Variants in ALDH5A1 observed in about 807,000 individuals in gnomAD.
ALDH5A1 encodes aldehyde dehydrogenase 5 family member A1.
A neutral mutation model predicts 54.7 loss-of-function variants in ALDH5A1; 33 were observed. The observed-to-expected ratio is 0.60, with a 90% CI of 0.46 to 0.81. ALDH5A1 has a LOEUF of 0.81. Among genes scored for constraint, ALDH5A1 ranks in the 30% least tolerant of loss-of-function variants. The pLI is 0.00. For missense variants in ALDH5A1, 657 were observed against 711.0 expected (o/e 0.92, Z 0.86); for synonymous variants, 294 against 292.7 (o/e 1.00, Z -0.05).
chr6:24,514,545 C>T (rs2127385554), intron 4 of ALDH5A1, among the ~76,000 whole-genome samples: 1 of 152,182 alleles, frequency 6.6e-6, no homozygotes, highest in South Asian at 2.1e-4. Context: ...TCGAGACCAG[C>T]CTGGCTAACA....
Position 24,520,388 on chromosome 6 carries a change from C to T in ALDH5A1, c.871-13C>T, listed in dbSNP as rs778951931. On this transcript the variant is annotated splice_polypyrimidine_tract_variant and intron_variant, in intron 5 of 9. Transcript: ENST00000357578. ...GATTTCTGTGCTCACAGCTTTCTCT[C>T]CTCTGCTCACAGATCCTGTTGCACC... 7 of 1,613,846 alleles carry T rather than the reference C, an allele frequency of 4.3e-6. No individual in the cohort carries two copies. In the Admixed American group the frequency reaches 1.2e-4, roughly 27 times the overall value.
Position 24,504,884 on chromosome 6 carries a change from G to A in ALDH5A1, c.625G>A (p.Ala209Thr). Residue 209 changes from alanine (A) to threonine (T), a missense_variant, in exon 4 of 10, where the codon GCC (alanine) becomes ACC (threonine). Physicochemically the swap from Ala to Thr is moderately conservative, Grantham distance 58 (BLOSUM62 0). Coordinates refer to ENST00000357578, the MANE Select transcript of ALDH5A1 (RefSeq NM_001080.3). ...AVITPWNFPS[A>T]MITRKVGAAL... The stretch of plus-strand genomic sequence containing the variant: ...CTAACCCCAGTGGAATTTCCCCAGT[G>A]CCATGATCACCCGGAAGGTGGGGGC... 1 of 1,614,190 alleles carries A rather than the reference G, an allele frequency of 6.2e-7. No individual in the cohort carries two copies. The highest frequency in any genetic ancestry group is 1.7e-5 in the Admixed American group (1 of 60,022).
At chr6:24,524,060 C>T (rs1581820941) in intron 7 of ALDH5A1, among the ~76,000 whole-genome samples, 1 of 148,484 alleles carries the variant, frequency 6.7e-6, no homozygotes, top group East Asian at 2.0e-4. Context: ...TCTTGACTCA[C>T]TGCAACCTCC....
rs562848127 is a variant in ALDH5A1 at position 24,506,101 on chromosome 6, A to G, written c.726+1116A>G. Among the ~76,000 whole-genome samples, 4 of 152,094 alleles carry G rather than the reference A, an allele frequency of 2.6e-5. No individual in the cohort carries two copies. In the East Asian group the frequency reaches 7.7e-4, roughly 29 times the overall value. On this transcript the variant is annotated intron_variant, in intron 4 of 9. Coordinates refer to ENST00000357578, the MANE Select transcript of ALDH5A1 (RefSeq NM_001080.3). ...TTTTCAGTGGGCAGGGCTAGGAGAT[A>G]TACATATATGTGTACACATGTGTAC...
intron 1 of ALDH5A1, among the ~76,000 whole-genome samples, chr6:24,495,571 AG>A (rs2127379308): frequency 6.6e-6 from 1 of 152,338 alleles, no homozygotes; most frequent in Non-Finnish European, 1.5e-5. Context: ...CCTGCCCTCA[AG>A]CCTCATCAAG....
intron 1 of ALDH5A1, among the ~76,000 whole-genome samples, chr6:24,497,066 A>G (rs193076874): frequency 1.2e-4 from 19 of 152,228 alleles, no homozygotes; most frequent in African/African-American, 3.6e-4. Context: ...CTTTGCAGTG[A>G]GTGTTACAGC....
intron 4 of ALDH5A1, 54 bp from the exon 5 acceptor site, chr6:24,515,113 T>TC: frequency 6.7e-7 from 1 of 1,497,774 alleles, no homozygotes; most frequent in East Asian, 2.4e-5. Flanking sequence ...TTTTTTTTTT[T>TC]TTTTTTTTCA....
At chr6:24,524,642 G>T (rs530048899) in intron 7 of ALDH5A1, among the ~76,000 whole-genome samples, 1 of 152,260 alleles carries the variant, frequency 6.6e-6, no homozygotes, top group East Asian at 1.9e-4. Flanking sequence ...ACTGTCTTGG[G>T]ATTACTCTAG....
intron 8 of ALDH5A1, among the ~76,000 whole-genome samples, chr6:24,530,109 G>C (rs2744595): frequency 0.81 from 123,781 of 152,110 alleles, 51,428 homozygotes; most frequent in Non-Finnish European, 0.9. Flanking sequence ...CTGTGCCCTA[G>C]TTCTCTTGTC....
intron 8 of ALDH5A1, 64 bp from the exon 9 acceptor site, chr6:24,532,055 A>C: frequency 2.7e-6 from 4 of 1,503,326 alleles, no homozygotes; most frequent in Non-Finnish European, 3.7e-6. Flanking sequence ...AATCAGAAGA[A>C]AACAAAACTG....
chr6:24,511,522 T>C (rs575570918), intron 4 of ALDH5A1, among the ~76,000 whole-genome samples: 2 of 152,188 alleles, frequency 1.3e-5, no homozygotes, highest in African/African-American at 4.8e-5. Flanking sequence ...TATTTTCTTA[T>C]GCTTTTTTCT....
At position 24,533,775 on chromosome 6, in the gene ALDH5A1, T is replaced by C; in HGVS notation, c.*63T>C. The C allele has an allele frequency of 2.1e-6, 3 of 1,440,574 alleles. No individual in the cohort carries two copies. The highest frequency in any genetic ancestry group is 2.9e-6 in the Non-Finnish European group (3 of 1,037,854). The allele number at this position is 1,440,574 out of a possible 1,614,324, so 89.2% of individuals were successfully genotyped here. ...TATCTACATATATAGGTACATGCCATCCATTATTTTAAATAAACTAATAGG... is the reference window on the plus strand; with the variant it reads ...TATCTACATATATAGGTACATGCCACCCATTATTTTAAATAAACTAATAGG... On this transcript the variant is annotated 3_prime_UTR_variant, in exon 10 of 10. Transcript: ENST00000357578.
intron 7 of ALDH5A1, among the ~76,000 whole-genome samples, chr6:24,525,190 G>A (rs1374585884): frequency 6.6e-6 from 1 of 152,184 alleles, no homozygotes; most frequent in Non-Finnish European, 1.5e-5. Context: ...AAAGGGCAGA[G>A]CAGATTATAT....
At chr6:24,511,400 T>A (rs548109107) in intron 4 of ALDH5A1, among the ~76,000 whole-genome samples, 1 of 152,312 alleles carries the variant, frequency 6.6e-6, no homozygotes, top group Non-Finnish European at 1.5e-5. Flanking sequence ...CCTCGATTAT[T>A]CCCCCAAATA....
chr6:24,520,617 G>A, intron 6 of ALDH5A1, 73 bp downstream of exon 6: 1 of 1,546,280 alleles, frequency 6.5e-7, no homozygotes, highest in Non-Finnish European at 8.8e-7. Context: ...GTGTGTGTGT[G>A]ATATGTGTGC....
In ALDH5A1 at chr6:24,495,194, C is replaced by T; in HGVS notation, c.198C>T (p.Gly66=). The T allele has an allele frequency of 6.6e-7, 1 of 1,504,338 alleles. No individual in the cohort carries two copies. The highest frequency in any genetic ancestry group is 1.4e-5 in the African/African-American group (1 of 69,048). 93.2% of individuals were successfully genotyped at this position (1,504,338 alleles called of 1,614,324 possible). ...AALLRTDSFV[G]GRWLPAAATF... is the part of the protein sequence containing the mutation. Reference sequence around the variant, plus strand: ...TGCTGCGCACCGACAGCTTCGTGGGCGGCCGCTGGCTCCCGGCCGCCGCCA... The same window carrying T: ...TGCTGCGCACCGACAGCTTCGTGGGTGGCCGCTGGCTCCCGGCCGCCGCCA... Residue 66 remains glycine (G), a synonymous_variant, in exon 1 of 10, where the codon GGC becomes GGT. Transcript: ENST00000357578.
At position 24,536,897 on chromosome 6, in the gene ALDH5A1, C is replaced by G. The variant is rs1323716629; in HGVS notation, c.*3185C>G. 6.6e-6 allele frequency: 1 copy of G among 152,628 alleles called. No individual in the cohort carries two copies. Among genetic ancestry groups the G allele is most frequent in the Non-Finnish European group, 1.5e-5 (1 of 68,044 alleles). 9.5% of individuals were successfully genotyped at this position (152,628 alleles called of 1,614,324 possible). ...AGCAAATCTGTTTTACTGTTAACTT[C>G]AATTATGAACTTGAAATTGTGCCAC... On this transcript the variant is annotated 3_prime_UTR_variant, in exon 10 of 10. Coordinates refer to ENST00000357578, the MANE Select transcript of ALDH5A1 (RefSeq NM_001080.3).
Position 24,522,767 on chromosome 6 carries a change from A to G in ALDH5A1, c.1015A>G (p.Thr339Ala), listed in dbSNP as rs1050327525. The change falls in exon 7 of 10, where the codon ACT becomes GCT. Residue 339 changes from threonine to alanine, a missense_variant and splice_region_variant. Transcript: ENST00000357578. ...GGGTTTGTTTTTGTCTCCTGTCCAG[A>G]CTTGTGTTTGCTCAAACCAATTCTT... ...MASKFRNTGQ[T>A]CVCSNQFLVQ... is the part of the protein sequence containing the mutation. The G allele has an allele frequency of 5.0e-6, 8 of 1,613,618 alleles. No homozygotes were observed. The highest frequency in any genetic ancestry group is 2.7e-5 in the African/African-American group (2 of 74,838).
At position 24,498,470 on chromosome 6, in the gene ALDH5A1, G is replaced by T. The variant is rs141185478; in HGVS notation, c.354+3120G>T. On this transcript the variant is annotated intron_variant, in intron 1 of 9. Coordinates refer to ENST00000357578, the MANE Select transcript of ALDH5A1 (RefSeq NM_001080.3). ...CATACAATGGTGTTACACTGCAGGGGTCTGGAAAGCCTTCTAGTCTGTCAG... is the reference window on the plus strand; with the variant it reads ...CATACAATGGTGTTACACTGCAGGGTTCTGGAAAGCCTTCTAGTCTGTCAG... Among the ~76,000 whole-genome samples the T allele has an allele frequency of 8.9e-4, 135 of 152,286 alleles. 1 individual carries two copies. Among genetic ancestry groups the T allele is most frequent in the Non-Finnish European group, 1.7e-3 (119 of 68,012 alleles).
Sources: gnomAD v4.1 joint callset for allele counts (sites outside exome capture counted in the v4.1 genomes callset) on GRCh38, gnomAD v4.1.1 for gene constraint, MANE v1.5 for transcripts, NCBI Gene and HGNC (gene_info 2026-07-23, HGNC 2026-07-21) for gene names.